Variants in FRAS1 observed in about 807,000 individuals in gnomAD.
The protein encoded by FRAS1 is Fraser extracellular matrix complex subunit 1.
In FRAS1, 290 loss-of-function variants were observed where a neutral mutation model predicts 435.2. The observed-to-expected ratio is 0.67, with a 90% CI of 0.61 to 0.73. FRAS1 has a LOEUF of 0.73. FRAS1 is among the 30% of genes least tolerant of loss of function. FRAS1 has a pLI of 0.00. For synonymous variants in FRAS1, 1,800 were observed against 1,851.0 expected (o/e 0.97, Z 0.71); for missense variants, 4,860 against 5,001.5 (o/e 0.97, Z 0.85).
chr4:78,450,427 A>C, intron 45 of FRAS1, 88 bp downstream of exon 45: 1 of 1,024,492 alleles, frequency 9.8e-7, no homozygotes, highest in Non-Finnish European at 1.5e-6. Flanking sequence ...AGTCTATGGC[A>C]ATAAACTGTG....
intron 18 of FRAS1, among the ~76,000 whole-genome samples, chr4:78,322,381 T>C (rs1729543894): frequency 6.6e-6 from 1 of 152,216 alleles, no homozygotes; most frequent in African/African-American, 2.4e-5. Context: ...TGTGTGTATG[T>C]GTGTGCGTGT....
At chr4:78,065,640 G>A (rs943100856) in intron 1 of FRAS1, among the ~76,000 whole-genome samples, 2 of 152,166 alleles carry the variant, frequency 1.3e-5, no homozygotes, top group Non-Finnish European at 1.5e-5. Flanking sequence ...ACAGTGGCAG[G>A]GAAGCCTGGA....
intron 6 of FRAS1, among the ~76,000 whole-genome samples, chr4:78,257,424 A>G (rs1560607916): frequency 6.6e-6 from 1 of 152,208 alleles, no homozygotes; most frequent in Admixed American, 6.5e-5. Context: ...TGTTATATAC[A>G]TTACATCATT....
At chr4:78,344,036 A>G (rs1176873930) in intron 20 of FRAS1, among the ~76,000 whole-genome samples, 1 of 117,374 alleles carries the variant, frequency 8.5e-6, no homozygotes, top group Non-Finnish European at 1.8e-5. Context: ...CCATCCCTCA[A>G]TGCCTGGTTC....
At chr4:78,282,398 GGT>G (rs1176910215) in intron 11 of FRAS1, among the ~76,000 whole-genome samples, 1 of 152,126 alleles carries the variant, frequency 6.6e-6, no homozygotes, top group Non-Finnish European at 1.5e-5. Flanking sequence ...GGGAAATTCA[GGT>G]TTTTAGCCAA....
intron 2 of FRAS1, among the ~76,000 whole-genome samples, chr4:78,193,234 A>C (rs1281328522): frequency 1.3e-5 from 2 of 152,112 alleles, no homozygotes; most frequent in Non-Finnish European, 2.9e-5. Context: ...TGGTGCTGAA[A>C]AGTGTATATT....
intron 71 of FRAS1, 119 bp downstream of exon 71, chr4:78,534,734 C>G: frequency 1.1e-6 from 1 of 945,870 alleles, no homozygotes; most frequent in Non-Finnish European, 1.6e-6. Flanking sequence ...GTAAAGATCC[C>G]CCAGGGTTGG....
intron 2 of FRAS1, among the ~76,000 whole-genome samples, chr4:78,066,795 A>G (rs1560505115): frequency 6.6e-6 from 1 of 152,246 alleles, no homozygotes; most frequent in Non-Finnish European, 1.5e-5. Flanking sequence ...CATGTGTGAT[A>G]TTGATAAGTC....
intron 9 of FRAS1, among the ~76,000 whole-genome samples, chr4:78,274,739 T>C (rs1471180391): frequency 1.3e-5 from 2 of 152,224 alleles, no homozygotes; most frequent in Non-Finnish European, 2.9e-5. Flanking sequence ...TCCAACTATG[T>C]GGTTAATTTT....
chr4:78,308,249 T>G, intron 15 of FRAS1, 40 bp downstream of exon 15: 1 of 1,592,348 alleles, frequency 6.3e-7, no homozygotes, highest in Non-Finnish European at 8.6e-7. Flanking sequence ...CCTTTCCTTT[T>G]TCTTTTCCAG....
At chr4:78,305,348 G>A (rs1728656726) in intron 14 of FRAS1, among the ~76,000 whole-genome samples, 2 of 151,340 alleles carry the variant, frequency 1.3e-5, no homozygotes, top group African/African-American at 4.9e-5. Flanking sequence ...GTTGATTTGG[G>A]GTGGAGAGTT....
At chr4:78,524,942 G>A (rs1256593752) in intron 69 of FRAS1, among the ~76,000 whole-genome samples, 2 of 152,146 alleles carry the variant, frequency 1.3e-5, no homozygotes, top group African/African-American at 2.4e-5. Flanking sequence ...CTTGAAGGAG[G>A]TGAGGGAGTT....
At chr4:78,117,144 A>G (rs539956916) in intron 2 of FRAS1, among the ~76,000 whole-genome samples, 2 of 152,348 alleles carry the variant, frequency 1.3e-5, no homozygotes, top group South Asian at 2.1e-4. Context: ...TCTTTAAAGA[A>G]TGTTGAATAT....
chr4:78,098,841 C>T (rs1741961594), intron 2 of FRAS1, among the ~76,000 whole-genome samples: 1 of 152,128 alleles, frequency 6.6e-6, no homozygotes, highest in Non-Finnish European at 1.5e-5. Flanking sequence ...AGTGAATATC[C>T]TGTTTTAAAA....
chr4:78,104,717 T>C (rs1307661500), intron 2 of FRAS1, among the ~76,000 whole-genome samples: 2 of 152,202 alleles, frequency 1.3e-5, no homozygotes, highest in Non-Finnish European at 2.9e-5. Flanking sequence ...AGACATGAAA[T>C]GCTTGTCTTC....
chr4:78,180,422 T>C (rs1156991633), intron 2 of FRAS1, among the ~76,000 whole-genome samples: 1 of 152,240 alleles, frequency 6.6e-6, no homozygotes, highest in Non-Finnish European at 1.5e-5. Flanking sequence ...TGTGTGAATA[T>C]GCAAAGCATG....
chr4:78,490,835 A>T (rs972817531), intron 59 of FRAS1, among the ~76,000 whole-genome samples: 3 of 150,854 alleles, frequency 2.0e-5, no homozygotes, highest in African/African-American at 7.4e-5. Context: ...GAGACAGGAA[A>T]AATCCTTCAA....
chr4:78,236,020 A>G (rs893002597), intron 2 of FRAS1, among the ~76,000 whole-genome samples: 1 of 152,232 alleles, frequency 6.6e-6, no homozygotes, highest in Admixed American at 6.5e-5. Flanking sequence ...GTGAAGAGCT[A>G]TACCTGAATG....
chr4:78,068,556 G>A (rs1740170953), intron 2 of FRAS1: 1 of 456,166 alleles, frequency 2.2e-6, no homozygotes, highest in Non-Finnish European at 4.4e-6. Context: ...CTTTCAGGAA[G>A]GTGGATGAGC....
Sources: allele counts gnomAD v4.1 joint callset (sites outside exome capture counted in the v4.1 genomes callset), GRCh38; gene constraint gnomAD v4.1.1; transcripts MANE v1.5; gene names NCBI Gene and HGNC (gene_info 2026-07-23, HGNC 2026-07-21).